Variants in GALNTL5 observed in about 807,000 individuals in gnomAD.
GALNTL5 encodes the protein polypeptide N-acetylgalactosaminyltransferase like 5, also known as inactive polypeptide N-acetylgalactosaminyltransferase-like protein 5.
A neutral mutation model predicts 51.0 loss-of-function variants in GALNTL5; 44 were observed. The observed-to-expected ratio is 0.86, with a 90% CI of 0.68 to 1.11. The LOEUF (loss-of-function observed/expected upper bound fraction) is 1.11, where lower values mean the gene tolerates loss of function less well. GALNTL5 is among the 50% of genes least tolerant of loss of function. The probability of loss-of-function intolerance (pLI) is 0.00; values close to 1 mark genes in which losing one functional copy is unlikely to be tolerated. For synonymous variants in GALNTL5, 192 were observed against 182.8 expected, an observed-to-expected ratio of 1.05 and a Z score of -0.41; for missense variants, 528 against 531.8, an observed-to-expected ratio of 0.99 and a Z score of 0.07.
intron 3 of GALNTL5, among the ~76,000 whole-genome samples, chr7:151,978,389 G>A (rs2081232923): frequency 6.6e-6 from 1 of 152,090 alleles, no homozygotes. Flanking sequence ...TTGTAAGAGT[G>A]CCTGTGCCTG....
At chr7:151,993,440 C>G (rs1344803142) in intron 5 of GALNTL5, among the ~76,000 whole-genome samples, 1 of 151,910 alleles carries the variant, frequency 6.6e-6, no homozygotes, top group East Asian at 1.9e-4. Flanking sequence ...TTTTTGATTT[C>G]CTCTTTAATC....
chr7:151,997,354 C>A (rs2081512909), intron 5 of GALNTL5, among the ~76,000 whole-genome samples: 1 of 152,174 alleles, frequency 6.6e-6, no homozygotes, highest in South Asian at 2.1e-4. Flanking sequence ...CTCTCGAAGG[C>A]AGCAGAAGTA....
intron 5 of GALNTL5, among the ~76,000 whole-genome samples, chr7:151,992,145 G>C (rs1178823548): frequency 6.6e-6 from 1 of 152,174 alleles, no homozygotes; most frequent in African/African-American, 2.4e-5. Flanking sequence ...TTAGTCGTTA[G>C]TGGTTGGTGG....
In GALNTL5 at chr7:151,971,066, G is replaced by A. The variant is rs148273290; in HGVS notation, c.368+1G>A. 1.9e-6 allele frequency: 3 copies of A among 1,605,388 alleles called. No homozygotes were observed. The highest frequency in any genetic ancestry group is 2.2e-5 in the South Asian group (2 of 90,864). On this transcript the variant is annotated splice_donor_variant, in intron 3 of 8. Coordinates refer to ENST00000392800, the MANE Select transcript of GALNTL5 (RefSeq NM_145292.4). LOFTEE classifies it high-confidence loss of function. Reference sequence around the variant, plus strand: ...AAGTGCCAGATACCAGGAGTAAAATGTATGTTGTCTCTCTCTTTCTCTCAT... The same window carrying A: ...AAGTGCCAGATACCAGGAGTAAAATATATGTTGTCTCTCTCTTTCTCTCAT...
At chr7:152,010,444 A>G (rs915155367) in intron 7 of GALNTL5, among the ~76,000 whole-genome samples, 1 of 152,148 alleles carries the variant, frequency 6.6e-6, no homozygotes, top group African/African-American at 2.4e-5. Context: ...TCTTCTATCT[A>G]TTGAGTAGGG....
chr7:151,980,823 G>A (rs1414035875), intron 3 of GALNTL5, among the ~76,000 whole-genome samples: 1 of 123,990 alleles, frequency 8.1e-6, no homozygotes, highest in African/African-American at 3.4e-5. Context: ...TCGGCTCACT[G>A]CAAGCTCCGC....
intron 7 of GALNTL5, among the ~76,000 whole-genome samples, chr7:152,012,583 G>T (rs1037743851): frequency 6.6e-6 from 1 of 152,142 alleles, no homozygotes; most frequent in African/African-American, 2.4e-5. Flanking sequence ...AATATACATT[G>T]TTCTACCATA....
chr7:152,003,943 G>A (rs924000633), intron 6 of GALNTL5, among the ~76,000 whole-genome samples: 15 of 152,122 alleles, frequency 9.9e-5, no homozygotes, highest in South Asian at 6.2e-4. Context: ...TACACTGCTC[G>A]TGTGTATATA....
In GALNTL5 at chr7:151,996,935, C is replaced by T. The variant is rs61248379; in HGVS notation, c.659-5779C>T. 9.0e-3 allele frequency among the ~76,000 whole-genome samples: 1,364 copies of T among 151,736 alleles called. 19 individuals are homozygous for T. Among genetic ancestry groups the T allele is most frequent in the African/African-American group, 0.031 (1,292 of 41,356 alleles). ...GAAAATGTGGACACTAACCAAAGAA[C>T]GAAAATAAATACAAAACAGAGAAAA... On this transcript the variant is annotated intron_variant, in intron 5 of 8. Transcript: ENST00000392800.
intron 5 of GALNTL5, among the ~76,000 whole-genome samples, chr7:151,996,668 G>A (rs974272967): frequency 2.0e-5 from 3 of 152,080 alleles, no homozygotes; most frequent in African/African-American, 7.2e-5. Flanking sequence ...AGGATCGCTC[G>A]AGCCCAGGAG....
At chr7:151,981,700 A>C (rs1317921024) in intron 3 of GALNTL5, among the ~76,000 whole-genome samples, 1 of 101,746 alleles carries the variant, frequency 9.8e-6, no homozygotes, top group African/African-American at 3.9e-5. Flanking sequence ...TTTTTTTTGG[A>C]TGCAGTGGTA....
At chr7:151,958,892 G>A (rs569990717) in intron 1 of GALNTL5, among the ~76,000 whole-genome samples, 5 of 152,212 alleles carry the variant, frequency 3.3e-5, no homozygotes, top group South Asian at 4.1e-4. Context: ...CCCTCTGTGT[G>A]AGAGGGGGCT....
At chr7:151,986,521 G>C (rs1246690297) in intron 4 of GALNTL5, among the ~76,000 whole-genome samples, 1 of 151,878 alleles carries the variant, frequency 6.6e-6, no homozygotes, top group Non-Finnish European at 1.5e-5. Flanking sequence ...TGTAGTCCCA[G>C]CTACTCAGGA....
At chr7:151,969,181 G>A (rs1004203598) in intron 2 of GALNTL5, among the ~76,000 whole-genome samples, 17 of 152,052 alleles carry the variant, frequency 1.1e-4, no homozygotes, top group African/African-American at 3.9e-4. Flanking sequence ...TTTTGGTGCT[G>A]TTCAATTCAT....
intron 5 of GALNTL5, among the ~76,000 whole-genome samples, chr7:151,995,632 A>T (rs187692942): frequency 8.0e-4 from 121 of 151,610 alleles, no homozygotes; most frequent in Admixed American, 1.6e-3. Flanking sequence ...TCGAACTAAC[A>T]TGGCTGTTAC....
intron 6 of GALNTL5, among the ~76,000 whole-genome samples, chr7:152,003,789 A>C (rs1003387374): frequency 6.6e-6 from 1 of 152,242 alleles, no homozygotes; most frequent in Non-Finnish European, 1.5e-5. Context: ...CCAATTACAC[A>C]AACTTGGTTT....
chr7:151,980,231 G>A (rs1377047895), intron 3 of GALNTL5, among the ~76,000 whole-genome samples: 1 of 152,080 alleles, frequency 6.6e-6, no homozygotes, highest in East Asian at 1.9e-4. Context: ...TTACAGTCAT[G>A]CACCACCACG....
Position 152,019,710 on chromosome 7 carries a change from T to C in GALNTL5, c.1241T>C (p.Val414Ala), listed in dbSNP as rs751339039. 4.3e-6 allele frequency: 7 copies of C among 1,613,906 alleles called. No homozygotes were observed. The highest frequency in any genetic ancestry group is 5.9e-6 in the Non-Finnish European group (7 of 1,179,820). ...ACCTACGGAAATATTCGCGAGCGTGTTGAGTTAAGGAAACGACTGGGTTGC... is the reference window on the plus strand; with the variant it reads ...ACCTACGGAAATATTCGCGAGCGTGCTGAGTTAAGGAAACGACTGGGTTGC... ...YVTYGNIRER[V>A]ELRKRLGCKS... The change falls in exon 9 of 9, where the codon GTT (valine) becomes GCT (alanine). Residue 414 changes from valine to alanine, a missense_variant. Coordinates refer to ENST00000392800, the MANE Select transcript of GALNTL5 (RefSeq NM_145292.4).
intron 5 of GALNTL5, among the ~76,000 whole-genome samples, chr7:151,994,115 G>T (rs2081461939): frequency 6.6e-6 from 1 of 152,122 alleles, no homozygotes; most frequent in Admixed American, 6.5e-5. Flanking sequence ...CCCTTTGCCA[G>T]CACTTGCCAT....
Sources: allele counts gnomAD v4.1 joint callset (sites outside exome capture counted in the v4.1 genomes callset), GRCh38; gene constraint gnomAD v4.1.1; transcripts MANE v1.5; gene names NCBI Gene and HGNC (gene_info 2026-07-23, HGNC 2026-07-21).